PCDHA10: variants seen among roughly 807,000 people sequenced by gnomAD.
PCDHA10 encodes the protein protocadherin alpha 10.
Under a neutral mutation model 61.2 loss-of-function variants are expected in PCDHA10, and 45 were observed. The observed-to-expected ratio is 0.74, with a 90% CI of 0.58 to 0.94. The LOEUF (loss-of-function observed/expected upper bound fraction) is 0.94. PCDHA10 is among the 40% of genes least tolerant of loss of function. PCDHA10 has a pLI of 0.00. For synonymous variants in PCDHA10, 602 were observed against 548.8 expected, an observed-to-expected ratio of 1.10 and a Z score of -1.35; for missense variants, 1,278 against 1,236.2, an observed-to-expected ratio of 1.03 and a Z score of -0.51.
intron 1 of PCDHA10, among the ~76,000 whole-genome samples, chr5:140,950,804 A>G (rs1360919239): frequency 6.6e-6 from 1 of 152,090 alleles, no homozygotes; most frequent in African/African-American, 2.4e-5. Context: ...GTCTGGTTTT[A>G]CCATAGTAGG....
intron 1 of PCDHA10, chr5:140,875,547 G>C (rs558501431): frequency 1.2e-6 from 2 of 1,614,152 alleles, no homozygotes; most frequent in Admixed American, 1.7e-5. Context: ...CAGCCTGGGA[G>C]GTGGGGAGCG....
chr5:140,986,947 C>T (rs983987541), intron 3 of PCDHA10, among the ~76,000 whole-genome samples: 1 of 152,160 alleles, frequency 6.6e-6, no homozygotes, highest in African/African-American at 2.4e-5. Context: ...GGTGTGGTCG[C>T]TCATGCCTGT....
At chr5:140,870,507 A>C (rs782584168) in intron 1 of PCDHA10, 1 of 1,614,128 alleles carries the variant, frequency 6.2e-7, no homozygotes, top group Non-Finnish European at 8.5e-7. Context: ...AGAACAACCC[A>C]CCAGGCTGCC....
chr5:140,931,304 G>A (rs1218460625), intron 1 of PCDHA10, among the ~76,000 whole-genome samples: 13 of 152,056 alleles, frequency 8.5e-5, no homozygotes, highest in Non-Finnish European at 1.9e-4. Context: ...CAAAAAGAGA[G>A]GAGAATACCA....
intron 2 of PCDHA10, 130 bp from the exon 3 acceptor site, chr5:140,982,345 A>G: frequency 6.8e-7 from 1 of 1,471,098 alleles, no homozygotes; most frequent in Non-Finnish European, 9.1e-7. Context: ...TAATTGCTTC[A>G]GTTCAAGCAT....
At chr5:140,967,249 G>A (rs782040791) in intron 1 of PCDHA10, 1 of 1,613,592 alleles carries the variant, frequency 6.2e-7, no homozygotes, top group Non-Finnish European at 8.5e-7. Context: ...GCGAATCGGT[G>A]GCGCCTGGAG....
intron 1 of PCDHA10, among the ~76,000 whole-genome samples, chr5:140,891,122 G>A (rs572236105): frequency 1.3e-5 from 2 of 152,256 alleles, no homozygotes; most frequent in African/African-American, 4.8e-5. Flanking sequence ...CAATCTAAAT[G>A]TCATTCCTTT....
At chr5:140,901,713 A>G (rs1463520839) in intron 1 of PCDHA10, among the ~76,000 whole-genome samples, 1 of 151,994 alleles carries the variant, frequency 6.6e-6, no homozygotes, top group Non-Finnish European at 1.5e-5. Context: ...ACATTTTCAG[A>G]TTGTCTTTTC....
At chr5:140,908,180 T>C (rs2073846080) in intron 1 of PCDHA10, among the ~76,000 whole-genome samples, 2 of 152,298 alleles carry the variant, frequency 1.3e-5, no homozygotes, top group East Asian at 3.9e-4. Context: ...AGCTGTCCAC[T>C]TTCAGGTGGT....
chr5:140,883,414 T>C, intron 1 of PCDHA10: 1 of 1,614,170 alleles, frequency 6.2e-7, no homozygotes, highest in South Asian at 1.1e-5. Flanking sequence ...CTGGCTCAAA[T>C]GGACAGGTCA....
intron 1 of PCDHA10, among the ~76,000 whole-genome samples, chr5:140,874,476 A>G (rs1024531291): frequency 1.1e-4 from 17 of 152,236 alleles, no homozygotes; most frequent in Non-Finnish European, 8.8e-5. Context: ...TTAGAGAAAA[A>G]GCAAAAGGTT....
rs2045560608 is a variant in PCDHA10 at position 140,858,685 on chromosome 5, T to G, written c.2388+249T>G. The G allele has an allele frequency of 1.3e-5, 8 of 595,874 alleles. No homozygotes were observed. The South Asian group carries it at 1.9e-4, about 14-fold the overall frequency. 36.9% of individuals were successfully genotyped at this position (595,874 alleles called of 1,614,324 possible). On this transcript the variant is annotated intron_variant, in intron 1 of 3. Transcript: ENST00000307360. ...TAACAATTTATTCTGAATACACTAA[T>G]ATTTTCCAATACAAATATGTGATAT... is the stretch of plus-strand genomic sequence containing the variant.
At chr5:140,903,416 T>A (rs2070284951) in intron 1 of PCDHA10, among the ~76,000 whole-genome samples, 1 of 152,184 alleles carries the variant, frequency 6.6e-6, no homozygotes, top group Admixed American at 6.5e-5. Flanking sequence ...TCAGGAAAAA[T>A]TCAGCACAAT....
intron 1 of PCDHA10, among the ~76,000 whole-genome samples, chr5:140,911,873 A>G (rs980533422): frequency 7.2e-5 from 11 of 152,038 alleles, no homozygotes; most frequent in African/African-American, 2.7e-4. Flanking sequence ...TTCTGGAACC[A>G]CTCCTGGGAC....
intron 3 of PCDHA10, among the ~76,000 whole-genome samples, chr5:140,987,465 T>C (rs1554249222): frequency 6.6e-6 from 1 of 152,130 alleles, no homozygotes; most frequent in Non-Finnish European, 1.5e-5. Flanking sequence ...TGTTAAGAGC[T>C]CAAGCTTGGG....
chr5:140,876,138 A>G (rs781923596), intron 1 of PCDHA10: 1 of 1,613,952 alleles, frequency 6.2e-7, no homozygotes. Context: ...AACCAGAACT[A>G]ACAGGGTCTG....
intron 1 of PCDHA10, among the ~76,000 whole-genome samples, chr5:140,935,193 G>A (rs782043966): frequency 3.3e-5 from 5 of 152,122 alleles, no homozygotes; most frequent in Non-Finnish European, 4.4e-5. Flanking sequence ...GTCAGTTGCT[G>A]TTTCTAGGTA....
intron 1 of PCDHA10, chr5:140,864,363 C>G (rs1389030549): frequency 6.6e-6 from 1 of 152,156 alleles, no homozygotes; most frequent in Non-Finnish European, 1.5e-5. Flanking sequence ...GTTTATCTTT[C>G]TATAATCGAT....
chr5:140,977,032 A>G (rs1488885995), intron 1 of PCDHA10, among the ~76,000 whole-genome samples: 3 of 152,212 alleles, frequency 2.0e-5, no homozygotes, highest in African/African-American at 7.2e-5. Flanking sequence ...TGAATCTAAG[A>G]AGGATGTTGT....
Sources: gnomAD v4.1 joint callset for allele counts (sites outside exome capture counted in the v4.1 genomes callset) on GRCh38, gnomAD v4.1.1 for gene constraint, MANE v1.5 for transcripts, NCBI Gene and HGNC (gene_info 2026-07-23, HGNC 2026-07-21) for gene names.